PREX2: variants seen among roughly 807,000 people sequenced by gnomAD.
PREX2 encodes the protein phosphatidylinositol-3,4,5-trisphosphate dependent Rac exchange factor 2.
Under a neutral mutation model 203.2 loss-of-function variants are expected in PREX2, and 107 were observed. The ratio of observed to expected loss-of-function variants is 0.53; its 90% CI spans 0.45 to 0.62. PREX2 has a LOEUF of 0.62. Ranked by LOEUF, PREX2 falls within the 20% of genes least tolerant of loss-of-function variation. PREX2 has a pLI of 0.00. For synonymous variants in PREX2, 672 were observed against 663.6 expected (o/e 1.01, Z -0.19); for missense variants, 1,777 against 1,955.9 (o/e 0.91, Z 1.72).
At chr8:68,180,238 C>T (rs1187707831) in intron 35 of PREX2, among the ~76,000 whole-genome samples, 1 of 152,122 alleles carries the variant, frequency 6.6e-6, no homozygotes, top group Non-Finnish European at 1.5e-5. Context: ...CACTTTGCCT[C>T]TCTAATACAT....
intron 37 of PREX2, among the ~76,000 whole-genome samples, chr8:68,199,220 T>G (rs1334319120): frequency 6.6e-6 from 1 of 152,184 alleles, no homozygotes; most frequent in East Asian, 1.9e-4. Flanking sequence ...AGAGAAAGTC[T>G]GGCAAGACCA....
chr8:68,080,953 A>G (rs12682493), intron 17 of PREX2, 115 bp downstream of exon 17: 367,185 of 695,350 alleles, frequency 0.53, 97,838 homozygotes, highest in South Asian at 0.55. Context: ...TATCTTTATC[A>G]AACATAATGT....
At chr8:68,138,322 CAA>C (rs914928508) in intron 32 of PREX2, 91 bp from the exon 33 acceptor site, 21 of 575,268 alleles carry the variant, frequency 3.7e-5, no homozygotes, top group Admixed American at 6.6e-5. Flanking sequence ...TAAAACACAG[CAA>C]AGTTGTTTTG....
At chr8:68,118,403 T>C (rs775951814) in intron 26 of PREX2, 147 bp from the exon 27 acceptor site, 9 of 563,430 alleles carry the variant, frequency 1.6e-5, no homozygotes, top group East Asian at 6.1e-5. Context: ...AAAAGTAAGA[T>C]AGACTGAGTT....
chr8:68,049,729 C>T (rs541106828), intron 8 of PREX2, among the ~76,000 whole-genome samples: 25 of 151,982 alleles, frequency 1.6e-4, no homozygotes, highest in Non-Finnish European at 3.2e-4. Flanking sequence ...GAAATTCCTG[C>T]GTTTGCCATT....
chr8:68,213,547 A>G (rs1161260110), intron 37 of PREX2, among the ~76,000 whole-genome samples: 1 of 152,230 alleles, frequency 6.6e-6, no homozygotes, highest in Non-Finnish European at 1.5e-5. Context: ...ATTTTAATAC[A>G]TCTTCCTTAG....
chr8:68,039,376 A>C (rs1808128108), intron 7 of PREX2, among the ~76,000 whole-genome samples: 1 of 152,240 alleles, frequency 6.6e-6, no homozygotes, highest in East Asian at 1.9e-4. Context: ...CTACCTTCCC[A>C]AAACACTCTC....
chr8:68,019,766 AG>A, intron 3 of PREX2, 95 bp downstream of exon 3: 1 of 1,241,512 alleles, frequency 8.1e-7, no homozygotes, highest in Non-Finnish European at 1.1e-6. Flanking sequence ...CAGTATTAGA[AG>A]TAAAATCTGA....
At chr8:68,215,945 G>A (rs1020013125) in intron 37 of PREX2, among the ~76,000 whole-genome samples, 14 of 152,032 alleles carry the variant, frequency 9.2e-5, no homozygotes, top group Non-Finnish European at 1.5e-4. Context: ...CATTGTTATC[G>A]GACTCACACA....
chr8:68,058,108 G>A (rs1897874), intron 10 of PREX2, among the ~76,000 whole-genome samples: 8 of 151,984 alleles, frequency 5.3e-5, no homozygotes, highest in African/African-American at 1.2e-4. Flanking sequence ...ATCCTTGTCC[G>A]TTAGCAGAGT....
intron 5 of PREX2, 50 bp from the exon 6 acceptor site, chr8:68,030,447 A>G: frequency 6.3e-7 from 1 of 1,588,574 alleles, no homozygotes; most frequent in Non-Finnish European, 8.6e-7. Flanking sequence ...AACCTGCTGT[A>G]CCAGAAAGCT....
chr8:68,146,384 C>A, intron 34 of PREX2, 32 bp downstream of exon 34: 1 of 1,542,064 alleles, frequency 6.5e-7, no homozygotes, highest in Non-Finnish European at 8.8e-7. Context: ...GGCTGCTATA[C>A]TTTAATTATT....
At position 68,044,552 on chromosome 8, in the gene PREX2, C is replaced by T. The variant is rs934598745; in HGVS notation, c.905C>T (p.Thr302Met). 3.1e-6 allele frequency: 5 copies of T among 1,612,982 alleles called. No homozygotes were observed. The highest frequency in any genetic ancestry group is 2.2e-5 in the East Asian group (1 of 44,850). Residue 302 changes from threonine (T) to methionine (M), a missense_variant, in exon 8 of 40, where the codon ACG (threonine) becomes ATG (methionine). Transcript: ENST00000288368. ...TACCTTTTTCGTGGCCGGATCAACA[C>T]GGAGGTGATGGAAGTGGAGAATGTG... ...HRYLFRGRIN[T>M]EVMEVENVDD...
chr8:68,076,769 G>C (rs1809363745), intron 14 of PREX2, among the ~76,000 whole-genome samples: 1 of 150,022 alleles, frequency 6.7e-6, no homozygotes, highest in Non-Finnish European at 1.5e-5. Flanking sequence ...GCATAAAATA[G>C]GTGTTTTCTA....
chr8:67,968,123 T>C (rs1805827851), intron 1 of PREX2, among the ~76,000 whole-genome samples: 1 of 151,152 alleles, frequency 6.6e-6, no homozygotes, highest in Admixed American at 6.6e-5. Flanking sequence ...CTTCCTGTGG[T>C]ATTGTCTCTC....
intron 1 of PREX2, among the ~76,000 whole-genome samples, chr8:67,978,305 A>C (rs1806168128): frequency 6.6e-6 from 1 of 152,108 alleles, no homozygotes; most frequent in South Asian, 2.1e-4. Context: ...ACACCTGTGT[A>C]ACTAACATCC....
At chr8:68,086,191 A>C (rs1293029078) in intron 18 of PREX2, among the ~76,000 whole-genome samples, 2 of 152,198 alleles carry the variant, frequency 1.3e-5, no homozygotes, top group African/African-American at 4.8e-5. Context: ...AGATAACTTC[A>C]TAGTGTATAA....
At chr8:68,010,295 G>A (rs541935684) in intron 1 of PREX2, among the ~76,000 whole-genome samples, 3 of 152,204 alleles carry the variant, frequency 2.0e-5, no homozygotes, top group South Asian at 4.2e-4. Context: ...TTTTTGCCTC[G>A]ATACCTTGAA....
At chr8:68,214,360 A>G (rs2129615213) in intron 37 of PREX2, among the ~76,000 whole-genome samples, 1 of 152,294 alleles carries the variant, frequency 6.6e-6, no homozygotes, top group African/African-American at 2.4e-5. Context: ...GGATGGCGCC[A>G]CTGCATTCCA....
Sources: gnomAD v4.1 joint callset for allele counts (sites outside exome capture counted in the v4.1 genomes callset) on GRCh38, gnomAD v4.1.1 for gene constraint, MANE v1.5 for transcripts, NCBI Gene and HGNC (gene_info 2026-07-23, HGNC 2026-07-21) for gene names.